PTK2: variants seen among roughly 807,000 people sequenced by gnomAD.
PTK2 encodes protein tyrosine kinase 2, also known as focal adhesion kinase 1.
A neutral mutation model predicts 150.1 loss-of-function variants in PTK2; 45 were observed. The ratio of observed to expected loss-of-function variants is 0.30; its 90% CI spans 0.24 to 0.38. The LOEUF (loss-of-function observed/expected upper bound fraction) is 0.38, where lower values mean the gene tolerates loss of function less well. Ranked by LOEUF, PTK2 falls within the 10% of genes least tolerant of loss-of-function variation. The pLI is 1.00. For missense variants in PTK2, 919 were observed against 1,307.3 expected (o/e 0.70, Z 4.58); for synonymous variants, 432 against 449.2 (o/e 0.96, Z 0.48).
In PTK2 at chr8:140,803,684, G is replaced by A. The variant is rs773465989; in HGVS notation, c.868-34C>T. 2.4e-5 allele frequency: 37 copies of A among 1,558,168 alleles called. No homozygotes were observed. In the East Asian group the frequency reaches 3.1e-4, roughly 13 times the overall value. ...AGGAAAGGTAAAATCTTTAGACTAC[G>A]GATAAAAAACTCATTTCACAGAGTC... On this transcript the variant is annotated intron_variant, in intron 10 of 31. Transcript: ENST00000522684.
At chr8:140,922,931 G>A (rs1490119097) in intron 2 of PTK2, among the ~76,000 whole-genome samples, 1 of 152,138 alleles carries the variant, frequency 6.6e-6, no homozygotes, top group Non-Finnish European at 1.5e-5. Context: ...AGAGAGAGTG[G>A]TGTAAGCACA....
chr8:140,741,189 C>T (rs1266981485), intron 20 of PTK2, among the ~76,000 whole-genome samples: 19 of 147,874 alleles, frequency 1.3e-4, no homozygotes, highest in East Asian at 2.0e-4. Context: ...CAGTGGCTGA[C>T]GCCTGTAATC....
In PTK2 at chr8:140,955,681, C is replaced by T. The variant is rs192016619; in HGVS notation, c.-121-29932G>A. 2.6e-5 allele frequency among the ~76,000 whole-genome samples: 4 copies of T among 152,170 alleles called. No individual in the cohort carries two copies. In the East Asian group the frequency reaches 7.7e-4, roughly 29 times the overall value. On this transcript the variant is annotated intron_variant, in intron 1 of 31. Transcript: ENST00000522684. ...AACAGAAAAACTTGGGGGAAATGAACGATAAAAGATCGGAAGCATAGCAAA... is the reference window on the plus strand; with the variant it reads ...AACAGAAAAACTTGGGGGAAATGAATGATAAAAGATCGGAAGCATAGCAAA...
At chr8:140,742,364 A>C (rs1484000418) in intron 20 of PTK2, among the ~76,000 whole-genome samples, 1 of 152,210 alleles carries the variant, frequency 6.6e-6, no homozygotes, top group Non-Finnish European at 1.5e-5. Context: ...GGTTTTGTGT[A>C]CAAGTTTTCG....
intron 27 of PTK2, among the ~76,000 whole-genome samples, chr8:140,680,880 T>TGA (rs1488969397): frequency 2.0e-5 from 3 of 152,210 alleles, no homozygotes; most frequent in African/African-American, 7.2e-5. Flanking sequence ...AGGTAAGTGT[T>TGA]GACAGTTGCA....
intron 1 of PTK2, among the ~76,000 whole-genome samples, chr8:140,942,044 C>A (rs2100176006): frequency 6.6e-6 from 1 of 151,386 alleles, no homozygotes; most frequent in Non-Finnish European, 1.5e-5. Flanking sequence ...CATGTGCCAC[C>A]ACACCTGGCT....
intron 31 of PTK2, chr8:140,662,920 T>TA (rs2082835022): frequency 2.2e-5 from 9 of 410,094 alleles, no homozygotes; most frequent in South Asian, 9.8e-5. Flanking sequence ...TCATGAAAGA[T>TA]AAAAAAAGGC....
At chr8:140,955,383 T>C (rs1195704756) in intron 1 of PTK2, among the ~76,000 whole-genome samples, 1 of 152,228 alleles carries the variant, frequency 6.6e-6, no homozygotes, top group Non-Finnish European at 1.5e-5. Flanking sequence ...GTGTAAGATA[T>C]GTCTTGCTTC....
At chr8:140,776,941 T>G (rs2100078808) in intron 14 of PTK2, among the ~76,000 whole-genome samples, 1 of 152,202 alleles carries the variant, frequency 6.6e-6, no homozygotes, top group East Asian at 1.9e-4. Flanking sequence ...TATGGTATTC[T>G]GGAAGCAAAA....
At chr8:140,934,534 T>A (rs1446379592) in intron 1 of PTK2, 1 of 152,128 alleles carries the variant, frequency 6.6e-6, no homozygotes, top group Non-Finnish European at 1.5e-5. Context: ...AACACAACCA[T>A]CCCAACAAGT....
rs570098794 is a variant in PTK2 at position 140,778,348 on chromosome 8, G to C, written c.1177+11126C>G. Among the ~76,000 whole-genome samples, 39 of 152,332 alleles carry C rather than the reference G, an allele frequency of 2.6e-4. No individual in the cohort carries two copies. In the South Asian group the frequency reaches 5.8e-3, roughly 23 times the overall value. ...CATCTGTAGTTCCAGCTACTCAGGA[G>C]GCTAAGGCACAAGAACTGCTTGAAC... On this transcript the variant is annotated intron_variant, in intron 14 of 31. Coordinates refer to ENST00000522684, the Ensembl canonical transcript of PTK2.
At chr8:140,906,878 T>C (rs1198140216) in intron 2 of PTK2, among the ~76,000 whole-genome samples, 1 of 152,210 alleles carries the variant, frequency 6.6e-6, no homozygotes, top group Non-Finnish European at 1.5e-5. Context: ...ACATATTGTA[T>C]ACAGGTATCA....
At chr8:140,769,509 A>G in intron 14 of PTK2, 66 bp downstream of exon 16, 2 of 1,132,484 alleles carry the variant, frequency 1.8e-6, no homozygotes, top group Non-Finnish European at 1.2e-6. Context: ...ATTAAATACT[A>G]AACTATATTT....
intron 31 of PTK2, chr8:140,662,846 C>T (rs1428952455): frequency 2.2e-6 from 1 of 451,978 alleles, no homozygotes; most frequent in East Asian, 3.3e-5. Flanking sequence ...TAGGATATCC[C>T]TCAATCCAAC....
chr8:140,890,226 G>T, intron 3 of PTK2: 1 of 251,322 alleles, frequency 4.0e-6, no homozygotes, highest in East Asian at 8.4e-5. Context: ...ACTGTTAGAG[G>T]CTATTTTAGT....
chr8:140,770,871 T>C, intron 14 of PTK2, 72 bp from the exon 15 acceptor site: 1 of 706,824 alleles, frequency 1.4e-6, no homozygotes, highest in Non-Finnish European at 1.9e-6. Context: ...CAACTTTTGT[T>C]ACATTTAAAG....
chr8:140,756,500 C>A (rs1452085011), intron 16 of PTK2, among the ~76,000 whole-genome samples: 2 of 151,114 alleles, frequency 1.3e-5, no homozygotes, highest in African/African-American at 2.4e-5. Context: ...GGGTTCAAGA[C>A]CAGCCTGAAC....
intron 1 of PTK2, among the ~76,000 whole-genome samples, chr8:140,990,826 C>G (rs2100195455): frequency 1.3e-5 from 2 of 152,152 alleles, no homozygotes; most frequent in African/African-American, 2.4e-5. Context: ...GATATTTGAT[C>G]TTTCCTGAAA....
chr8:140,828,588 C>T (rs979803923), intron 8 of PTK2, among the ~76,000 whole-genome samples: 10 of 152,216 alleles, frequency 6.6e-5, no homozygotes, highest in South Asian at 2.1e-4. Flanking sequence ...ACCAATACTA[C>T]TAATGTGACA....
Sources: allele counts gnomAD v4.1 joint callset (sites outside exome capture counted in the v4.1 genomes callset), GRCh38; gene constraint gnomAD v4.1.1; transcripts MANE v1.5; gene names NCBI Gene and HGNC (gene_info 2026-07-23, HGNC 2026-07-21).